Variants in CACNA1A observed in about 807,000 individuals in gnomAD.
CACNA1A encodes the protein calcium voltage-gated channel subunit alpha1 A, also known as voltage-dependent P/Q-type calcium channel subunit alpha-1A.
A neutral mutation model predicts 262.4 loss-of-function variants in CACNA1A; 57 were observed. The observed-to-expected ratio is 0.22, with a 90% CI of 0.18 to 0.27. The LOEUF (loss-of-function observed/expected upper bound fraction) is 0.27, where lower values mean the gene tolerates loss of function less well. Among genes scored for constraint, CACNA1A ranks in the 10% least tolerant of loss-of-function variants. The pLI is 1.00. For missense variants in CACNA1A, 2,526 were observed against 3,562.8 expected, an observed-to-expected ratio of 0.71 and a Z score of 7.41; for synonymous variants, 1,431 against 1,419.3, an observed-to-expected ratio of 1.01 and a Z score of -0.18.
intron 3 of CACNA1A, among the ~76,000 whole-genome samples, chr19:13,405,561 G>A (rs922899166): frequency 7.2e-5 from 11 of 152,052 alleles, no homozygotes; most frequent in African/African-American, 1.7e-4. Flanking sequence ...TTTCTTGAGC[G>A]CTTACAAGGA....
At chr19:13,366,686 G>A (rs886238357) in intron 4 of CACNA1A, among the ~76,000 whole-genome samples, 3 of 152,178 alleles carry the variant, frequency 2.0e-5, no homozygotes, top group African/African-American at 7.2e-5. Flanking sequence ...ATTGCTTTTG[G>A]AGCCATATTC....
intron 6 of CACNA1A, among the ~76,000 whole-genome samples, chr19:13,355,032 C>T (rs1463009356): frequency 2.6e-5 from 4 of 152,004 alleles, no homozygotes; most frequent in South Asian, 2.1e-4. Flanking sequence ...CCGCCCACCA[C>T]GCCTGGCTAA....
At chr19:13,297,022 A>T (rs921728461) in intron 19 of CACNA1A, among the ~76,000 whole-genome samples, 1 of 152,190 alleles carries the variant, frequency 6.6e-6, no homozygotes, top group South Asian at 2.1e-4. Flanking sequence ...GCCTCCCAAC[A>T]GAGTGGCTTT....
At chr19:13,291,911 G>A (rs1390038827) in intron 19 of CACNA1A, among the ~76,000 whole-genome samples, 1 of 152,172 alleles carries the variant, frequency 6.6e-6, no homozygotes, top group Non-Finnish European at 1.5e-5. Flanking sequence ...GAGCTCAAAA[G>A]TCCAGCATCT....
intron 38 of CACNA1A, among the ~76,000 whole-genome samples, chr19:13,221,090 C>T (rs544992638): frequency 6.7e-6 from 1 of 150,358 alleles, no homozygotes; most frequent in African/African-American, 2.5e-5. Context: ...ACATATGTCT[C>T]GAGGCTCAGT....
chr19:13,439,158 G>C (rs1451863967), intron 3 of CACNA1A, among the ~76,000 whole-genome samples: 2 of 150,890 alleles, frequency 1.3e-5, no homozygotes, highest in Non-Finnish European at 2.9e-5. Context: ...ACCCAGGCTG[G>C]AGTGCAGTGG....
At chr19:13,267,744 A>G (rs1412654752) in intron 24 of CACNA1A, among the ~76,000 whole-genome samples, 1 of 151,770 alleles carries the variant, frequency 6.6e-6, no homozygotes, top group African/African-American at 2.4e-5. Flanking sequence ...GAAGTTCGAG[A>G]CCAGCCTGGA....
At chr19:13,296,667 G>A (rs768984697) in intron 19 of CACNA1A, among the ~76,000 whole-genome samples, 1 of 148,118 alleles carries the variant, frequency 6.8e-6, no homozygotes, top group Non-Finnish European at 1.5e-5. Context: ...TGGGACTACA[G>A]GCATGAGCCA....
chr19:13,220,678 G>T (rs1265088620), intron 38 of CACNA1A, among the ~76,000 whole-genome samples: 1 of 152,106 alleles, frequency 6.6e-6, no homozygotes, highest in Non-Finnish European at 1.5e-5. Context: ...AAGCTGCTAT[G>T]TCTGTGGTCA....
chr19:13,290,464 G>A (rs1175513105), intron 19 of CACNA1A, among the ~76,000 whole-genome samples: 1 of 152,014 alleles, frequency 6.6e-6, no homozygotes, highest in African/African-American at 2.4e-5. Flanking sequence ...CTGTTGCCCA[G>A]GCTGAAGTGC....
At chr19:13,266,538 G>A (rs1025101573) in intron 24 of CACNA1A, among the ~76,000 whole-genome samples, 1 of 151,784 alleles carries the variant, frequency 6.6e-6, no homozygotes, top group Non-Finnish European at 1.5e-5. Context: ...ATCTGAAAAC[G>A]ATTCCATGGC....
At chr19:13,279,320 T>C (rs747777503) in intron 22 of CACNA1A, among the ~76,000 whole-genome samples, 2 of 152,136 alleles carry the variant, frequency 1.3e-5, no homozygotes, top group Non-Finnish European at 2.9e-5. Flanking sequence ...AAAAAGTGCT[T>C]GATCTCATTC....
chr19:13,412,705 A>G (rs10405312), intron 3 of CACNA1A, among the ~76,000 whole-genome samples: 3,217 of 152,052 alleles, frequency 0.021, 118 homozygotes, highest in African/African-American at 0.073. Context: ...TCAAACGCCC[A>G]ACCTCAGGTG....
At chr19:13,222,376 C>T (rs1035533769) in intron 38 of CACNA1A, among the ~76,000 whole-genome samples, 1 of 149,210 alleles carries the variant, frequency 6.7e-6, no homozygotes, top group Admixed American at 6.8e-5. Context: ...TGTGAGCCAC[C>T]ATGTCCAGCC....
chr19:13,501,701 T>C (rs1261927508), intron 1 of CACNA1A, among the ~76,000 whole-genome samples: 1 of 152,160 alleles, frequency 6.6e-6, no homozygotes, highest in East Asian at 1.9e-4. Flanking sequence ...AATGCAGACC[T>C]AACAGTCAGG....
chr19:13,241,655 A>G lies in CACNA1A; in HGVS notation c.4950+3527T>C, dbSNP rs935822810. On this transcript the variant is annotated intron_variant, in intron 31 of 46. Transcript: ENST00000360228. This position sits in a 1 kb window ranked among gnomAD's most constrained non-coding sequence, Gnocchi z 4.0. ...AATGGGTTTCGGTTCCCGGGCGGGG[A>G]GTGGGGGTGGTGGTGGCGGTGGGTT... The G allele has an allele frequency of 2.2e-4, 96 of 428,160 alleles. No homozygotes were observed. Among genetic ancestry groups the G allele is most frequent in the Non-Finnish European group, 3.4e-4 (73 of 215,418 alleles). 26.5% of individuals were successfully genotyped at this position (428,160 alleles called of 1,614,324 possible). A position where few individuals can be genotyped will look rare whatever the true frequency, so the allele number is the denominator to read the frequency against.
chr19:13,437,709 A>G (rs1045999692), intron 3 of CACNA1A, among the ~76,000 whole-genome samples: 5 of 151,144 alleles, frequency 3.3e-5, no homozygotes, highest in Non-Finnish European at 5.9e-5. Context: ...AAAAAAAAAA[A>G]AAAAAGAAAC....
At chr19:13,362,513 T>C (rs11672545) in intron 5 of CACNA1A, 33,235 of 152,034 alleles carry the variant, frequency 0.22, 4,335 homozygotes, top group Middle Eastern at 0.32. Flanking sequence ...AATTTTTAAA[T>C]TTTTATTTTA....
intron 11 of CACNA1A, among the ~76,000 whole-genome samples, chr19:13,314,552 A>C (rs986873585): frequency 1.3e-5 from 2 of 152,178 alleles, no homozygotes; most frequent in Admixed American, 1.3e-4. Context: ...CAGAGGATAC[A>C]GTGTTCAAGG....
Sources: allele counts gnomAD v4.1 joint callset (sites outside exome capture counted in the v4.1 genomes callset), GRCh38; gene constraint gnomAD v4.1.1; non-coding constraint Gnocchi (gnomAD v3.1); transcripts MANE v1.5; gene names NCBI Gene and HGNC (gene_info 2026-07-23, HGNC 2026-07-21).